The following WDR62 variants were observed in gnomAD, a reference collection of about 807,000 sequenced individuals.
The protein encoded by WDR62 is WD repeat-containing protein 62.
A neutral mutation model predicts 160.6 loss-of-function variants in WDR62; 112 were observed. That is an observed-to-expected ratio of 0.70 (90% CI 0.60 to 0.82). The LOEUF (loss-of-function observed/expected upper bound fraction) is 0.82. Among genes scored for constraint, WDR62 ranks in the 40% least tolerant of loss-of-function variants. The pLI is 0.00. For synonymous variants in WDR62, 792 were observed against 815.1 expected, an observed-to-expected ratio of 0.97 and a Z score of 0.48; for missense variants, 1,819 against 1,983.8, an observed-to-expected ratio of 0.92 and a Z score of 1.58.
chr19:36,087,927 C>G (rs950313122), intron 13 of WDR62, among the ~76,000 whole-genome samples: 11 of 152,210 alleles, frequency 7.2e-5, no homozygotes, highest in Admixed American at 3.9e-4. Context: ...AGAGACTGTT[C>G]TAATTGCTCA....
At chr19:36,059,779 A>G (rs530652128) in intron 2 of WDR62, among the ~76,000 whole-genome samples, 189 bp from the exon 3 acceptor site, 2 of 152,254 alleles carry the variant, frequency 1.3e-5, no homozygotes, top group Admixed American at 1.3e-4. Context: ...GTTGGTTTCT[A>G]TTTAAGAACA....
downstream of WDR62, among the ~76,000 whole-genome samples, chr19:36,106,792 A>G (rs1194084148): frequency 6.6e-6 from 1 of 152,162 alleles, no homozygotes; most frequent in Non-Finnish European, 1.5e-5. Context: ...TATCCAGAAC[A>G]GTTTTTTGTT....
chr19:36,108,426 G>C (rs536140831), downstream of WDR62, among the ~76,000 whole-genome samples: 3 of 151,912 alleles, frequency 2.0e-5, no homozygotes, highest in African/African-American at 7.2e-5. Context: ...ACAGCTCCTG[G>C]GTCCTGAGCT....
Position 36,104,627 on chromosome 19 carries a change from G to A in WDR62, c.4263G>A (p.Leu1421=). The change falls in exon 31 of 32, where the codon TTG becomes TTA. Residue 1421 remains leucine, a synonymous_variant. Coordinates refer to ENST00000401500, the MANE Select transcript of WDR62 (RefSeq NM_001083961.2). The part of the protein sequence containing the change: ...PLELSRVGNI[L]HRLQTTFQEA... ...AGCTGAGCAGGGTGGGGAACATCTT[G>A]CACAGGCTGCAGACCACCTTCCAAG... 1.2e-6 allele frequency: 2 copies of A among 1,614,076 alleles called. No individual in the cohort carries two copies. The highest frequency in any genetic ancestry group is 1.7e-6 in the Non-Finnish European group (2 of 1,180,030).
At chr19:36,072,368 G>T (rs139509100) in intron 8 of WDR62, among the ~76,000 whole-genome samples, 1 of 152,148 alleles carries the variant, frequency 6.6e-6, no homozygotes, top group Non-Finnish European at 1.5e-5. Flanking sequence ...CAGTGTGTCC[G>T]GGGAGGATGG....
At position 36,103,074 on chromosome 19, in the gene WDR62, CG is replaced by C. The variant is rs763261921; in HGVS notation, c.3462+1del. 12 of 1,614,046 alleles carry C rather than the reference CG, an allele frequency of 7.4e-6. No individual in the cohort carries two copies. The highest frequency in any genetic ancestry group is 1.3e-5 in the African/African-American group (1 of 75,066). On this transcript the variant is annotated splice_donor_variant, in intron 28 of 31. Coordinates refer to ENST00000401500, the MANE Select transcript of WDR62 (RefSeq NM_001083961.2). LOFTEE classifies it high-confidence loss of function. Reference sequence around the variant, plus strand: ...GCTACGCCTCCCCAGACAGGACCCACGTGAGTATTGGGCCCACCTCCGTCAG... The same window carrying C: ...GCTACGCCTCCCCAGACAGGACCCACTGAGTATTGGGCCCACCTCCGTCAG...
rs754875222 is a variant in WDR62, at chr19:36,091,286, C to T, written c.2121C>T (p.Cys707=). 3 of 1,613,866 alleles carry T rather than the reference C, an allele frequency of 1.9e-6. No individual in the cohort carries two copies. Among genetic ancestry groups the T allele is most frequent in the African/African-American group, 1.3e-5 (1 of 74,936 alleles). ...TGATTGACTTTTACTCGGGCGAGTG[C>T]ATTGCCAAGATGTTTGGCCATTCAG... ...ISVIDFYSGE[C]IAKMFGHSEI... The change falls in exon 17 of 32, where the codon TGC becomes TGT. Residue 707 remains cysteine (C), a synonymous_variant. Coordinates refer to ENST00000401500, the MANE Select transcript of WDR62 (RefSeq NM_001083961.2).
At position 36,103,212 on chromosome 19, in the gene WDR62, G is replaced by C. The variant is rs1973495292; in HGVS notation, c.3514+5G>C. On this transcript the variant is annotated splice_donor_5th_base_variant and intron_variant, in intron 29 of 31. Coordinates refer to ENST00000401500, the MANE Select transcript of WDR62 (RefSeq NM_001083961.2). Reference sequence around the variant, plus strand: ...TGGAGGCCTGGCGCCCACCACGTGAGTGCCCCAGTCCCAGACGGACAGTCC... The same window carrying C: ...TGGAGGCCTGGCGCCCACCACGTGACTGCCCCAGTCCCAGACGGACAGTCC... 6.2e-7 allele frequency: 1 copy of C among 1,613,512 alleles called. No individual in the cohort carries two copies. The highest frequency in any genetic ancestry group is 1.3e-5 in the African/African-American group (1 of 74,930).
chr19:36,105,106 G>T lies in WDR62; in HGVS notation c.*78G>T. On this transcript the variant is annotated 3_prime_UTR_variant, in exon 32 of 32. Transcript: ENST00000401500. ...AAGCGAATAAACTGACAGCTTTGAG[G>T]AATGGTTCCTGGTGTCTGTTTGGGC... 6.6e-7 allele frequency: 1 copy of T among 1,521,164 alleles called. No individual in the cohort carries two copies. The highest frequency in any genetic ancestry group is 1.2e-5 in the South Asian group (1 of 83,232). The allele number at this position is 1,521,164 out of a possible 1,614,324, so 94.2% of individuals were successfully genotyped here.
intron 9 of WDR62, chr19:36,075,032 TTCTC>T (rs1197786563): frequency 2.0e-5 from 3 of 152,216 alleles, no homozygotes; most frequent in Admixed American, 6.6e-5. Flanking sequence ...TTCTACCCTC[TTCTC>T]TCTCTTTTTT....
At chr19:36,099,248 A>T in intron 21 of WDR62, 151 bp from the exon 22 acceptor site, 4 of 608,930 alleles carry the variant, frequency 6.6e-6, no homozygotes, top group Non-Finnish European at 1.2e-5. Flanking sequence ...AAAAAAACAG[A>T]GAAAGGTTCA....
At chr19:36,055,284 A>C in intron 1 of WDR62, 136 bp downstream of exon 1, 4 of 883,274 alleles carry the variant, frequency 4.5e-6, no homozygotes, top group Non-Finnish European at 7.0e-6. Context: ...CTCGTCCCCT[A>C]ACCCCCGCCC....
intron 21 of WDR62, among the ~76,000 whole-genome samples, chr19:36,097,591 AAAAG>A (rs1367798442): frequency 1.3e-5 from 2 of 152,084 alleles, no homozygotes; most frequent in African/African-American, 2.4e-5. Flanking sequence ...AAAAAAGAGA[AAAAG>A]AACAGGGGCC....
intron 3 of WDR62, chr19:36,060,294 G>C: frequency 1.9e-6 from 1 of 525,822 alleles, no homozygotes; most frequent in Non-Finnish European, 3.4e-6. Flanking sequence ...CAGTGCTATG[G>C]AGGAAATGAT....
chr19:36,101,357 C>T (rs1234917506), intron 24 of WDR62, 40 bp downstream of exon 24: 5 of 1,544,430 alleles, frequency 3.2e-6, no homozygotes, highest in South Asian at 1.2e-5. Context: ...ACAGTCTGTG[C>T]GTTCAGCCAA....
intron 7 of WDR62, chr19:36,070,845 G>GT (rs1273726866): frequency 6.6e-6 from 1 of 152,666 alleles, no homozygotes; most frequent in Non-Finnish European, 1.5e-5. Context: ...TCTAGATACT[G>GT]TAACTTTTTT....
chr19:36,055,732 T>C (rs904469246), intron 1 of WDR62, among the ~76,000 whole-genome samples: 1 of 152,196 alleles, frequency 6.6e-6, no homozygotes, highest in Non-Finnish European at 1.5e-5. Context: ...TACAGAACAG[T>C]TCCCTAAATC....
chr19:36,058,928 C>A (rs749641408), intron 2 of WDR62, 57 bp downstream of exon 2: 2 of 1,427,888 alleles, frequency 1.4e-6, no homozygotes, highest in Admixed American at 1.8e-5. Context: ...GAGCTTGGAA[C>A]CTGAAGCCAT....
chr19:36,080,270 G>A (rs1971817203), intron 9 of WDR62, among the ~76,000 whole-genome samples: 1 of 150,612 alleles, frequency 6.6e-6, no homozygotes, highest in Non-Finnish European at 1.5e-5. Context: ...ACCACGCCCG[G>A]CTAATTTTTT....
Sources: gnomAD v4.1 joint callset for allele counts (sites outside exome capture counted in the v4.1 genomes callset) on GRCh38, gnomAD v4.1.1 for gene constraint, MANE v1.5 for transcripts, NCBI Gene and HGNC (gene_info 2026-07-23, HGNC 2026-07-21) for gene names.